SCN11A: variants seen among roughly 807,000 people sequenced by gnomAD.
The protein encoded by SCN11A is sodium channel protein type 11 subunit alpha.
SCN11A carries 122 observed loss-of-function variants against 162.2 expected under a neutral mutation model. That is an observed-to-expected ratio of 0.75 (90% CI 0.65 to 0.87). The LOEUF (loss-of-function observed/expected upper bound fraction) is 0.87. Among genes scored for constraint, SCN11A ranks in the 40% least tolerant of loss-of-function variants. The pLI is 0.00. For missense variants in SCN11A, 2,015 were observed against 2,181.6 expected (o/e 0.92, Z 1.52); for synonymous variants, 758 against 751.5 (o/e 1.01, Z -0.14).
chr3:38,879,887 C>A, intron 23 of SCN11A, 63 bp downstream of exon 23: 1 of 1,353,486 alleles, frequency 7.4e-7, no homozygotes, highest in East Asian at 2.3e-5. Context: ...AAAGCAGCCT[C>A]CATATGATCC....
chr3:38,928,079 G>A (rs2066172428), intron 7 of SCN11A, among the ~76,000 whole-genome samples: 1 of 152,150 alleles, frequency 6.6e-6, no homozygotes, highest in South Asian at 2.1e-4. Flanking sequence ...TCAACAAATG[G>A]TAAAGGGAAA....
chr3:38,883,441 A>C, intron 21 of SCN11A, 54 bp from the exon 22 acceptor site: 1 of 1,531,514 alleles, frequency 6.5e-7, no homozygotes, highest in Non-Finnish European at 8.9e-7. Flanking sequence ...AACTGCATTA[A>C]AATGCAACTC....
rs58867103 is a variant in SCN11A, at chr3:38,931,009, G to A, written c.489-4078C>T. On this transcript the variant is annotated intron_variant, in intron 7 of 29. Coordinates refer to ENST00000302328, the MANE Select transcript of SCN11A (RefSeq NM_001349253.2). ...CCACAAGGGCTAGGCAGAGCAAACCGCAGCTGTGGAAACAATGCACTCTCC... is the reference window on the plus strand; with the variant it reads ...CCACAAGGGCTAGGCAGAGCAAACCACAGCTGTGGAAACAATGCACTCTCC... 3.5e-3 allele frequency among the ~76,000 whole-genome samples: 532 copies of A among 152,280 alleles called. 1 individual carries two copies. The highest frequency in any genetic ancestry group is 0.012 in the African/African-American group (507 of 41,548).
At chr3:38,928,764 T>C (rs1241984659) in intron 7 of SCN11A, among the ~76,000 whole-genome samples, 1 of 152,154 alleles carries the variant, frequency 6.6e-6, no homozygotes, top group African/African-American at 2.4e-5. Flanking sequence ...ATGGCTACTA[T>C]TTTTTAAAAA....
chr3:38,971,087 C>G (rs1195947580), intron 2 of SCN11A, among the ~76,000 whole-genome samples: 1 of 152,074 alleles, frequency 6.6e-6, no homozygotes, highest in African/African-American at 2.4e-5. Flanking sequence ...GATGTGTGTC[C>G]CTGAGAGCTC....
At chr3:38,878,691 TC>T (rs1231546443) in intron 23 of SCN11A, among the ~76,000 whole-genome samples, 1 of 152,120 alleles carries the variant, frequency 6.6e-6, no homozygotes, top group East Asian at 1.9e-4. Flanking sequence ...ACAATGAGCT[TC>T]TGTTTCCTTG....
chr3:38,860,485 A>T lies in SCN11A; in HGVS notation c.4056+2710T>A, dbSNP rs184457500. On this transcript the variant is annotated intron_variant, in intron 28 of 29. Transcript: ENST00000302328. ...ATTCCTGATGACTATAGGTGCAAAAATACTCAAAAAATACTAGCTAACTAA... is the reference window on the plus strand; with the variant it reads ...ATTCCTGATGACTATAGGTGCAAAATTACTCAAAAAATACTAGCTAACTAA... Among the ~76,000 whole-genome samples the T allele has an allele frequency of 1.2e-4, 18 of 152,328 alleles. No individual in the cohort carries two copies. In the East Asian group the frequency reaches 3.3e-3, roughly 28 times the overall value.
chr3:38,857,108 C>T (rs1428082914), intron 28 of SCN11A, among the ~76,000 whole-genome samples: 1 of 152,088 alleles, frequency 6.6e-6, no homozygotes, highest in African/African-American at 2.4e-5. Flanking sequence ...TATAACACCT[C>T]CAAAAGATCA....
intron 2 of SCN11A, among the ~76,000 whole-genome samples, chr3:39,008,914 T>A (rs889496826): frequency 7.2e-5 from 11 of 152,124 alleles, no homozygotes; most frequent in African/African-American, 2.2e-4. Flanking sequence ...TATATATATT[T>A]GGACCAGTAA....
chr3:39,046,858 CTA>C (rs1275394171), intron 1 of SCN11A, among the ~76,000 whole-genome samples: 1 of 152,134 alleles, frequency 6.6e-6, no homozygotes, highest in African/African-American at 2.4e-5. Context: ...GTAGCTAGGA[CTA>C]CAGGCATGCA....
In SCN11A at chr3:39,017,261, G is replaced by C. The variant is rs1386367855; in HGVS notation, c.-280+15119C>G. On this transcript the variant is annotated intron_variant, in intron 2 of 29. Transcript: ENST00000302328. ...CAGACATCAAGTCTGCCTGCATCTT[G>C]CTCTTGGACTTTTCAGTCTCCAGAA... 2.0e-5 allele frequency among the ~76,000 whole-genome samples: 3 copies of C among 152,284 alleles called. No individual in the cohort carries two copies. In the East Asian group the frequency reaches 5.8e-4, roughly 29 times the overall value.
chr3:39,036,473 A>G (rs546616034), intron 1 of SCN11A, among the ~76,000 whole-genome samples: 1 of 152,340 alleles, frequency 6.6e-6, no homozygotes, highest in South Asian at 2.1e-4. Flanking sequence ...ATATCCCAAA[A>G]GCACAGACAA....
intron 23 of SCN11A, among the ~76,000 whole-genome samples, chr3:38,872,823 GA>G (rs1213516307): frequency 1.3e-5 from 2 of 151,918 alleles, no homozygotes; most frequent in African/African-American, 4.8e-5. Context: ...AAAAAAGAGA[GA>G]AAAAAATGAC....
chr3:38,918,422 A>G (rs76445683), intron 11 of SCN11A, among the ~76,000 whole-genome samples: 16 of 152,316 alleles, frequency 1.1e-4, no homozygotes, highest in African/African-American at 3.8e-4. Flanking sequence ...AGATTTTCAT[A>G]AGAGTGTGAA....
At chr3:38,862,251 T>G (rs1053865770) in intron 28 of SCN11A, among the ~76,000 whole-genome samples, 2 of 152,166 alleles carry the variant, frequency 1.3e-5, no homozygotes, top group African/African-American at 4.8e-5. Flanking sequence ...GATGTTGGCA[T>G]GGATGTGGTG....
At chr3:38,889,581 C>T (rs1046601974) in intron 19 of SCN11A, among the ~76,000 whole-genome samples, 14 of 151,704 alleles carry the variant, frequency 9.2e-5, no homozygotes, top group South Asian at 2.1e-4. Context: ...GAGCAGATCA[C>T]GAGGTCAGGA....
intron 28 of SCN11A, among the ~76,000 whole-genome samples, chr3:38,851,648 T>C (rs1308180345): frequency 6.6e-6 from 1 of 152,248 alleles, no homozygotes; most frequent in African/African-American, 2.4e-5. Context: ...GACTATACGT[T>C]GGTTGCTTTA....
At chr3:38,857,283 T>C (rs1007435934) in intron 28 of SCN11A, among the ~76,000 whole-genome samples, 1 of 151,990 alleles carries the variant, frequency 6.6e-6, no homozygotes, top group Non-Finnish European at 1.5e-5. Context: ...AAGAAAATTT[T>C]CCAGAGAAAT....
intron 2 of SCN11A, among the ~76,000 whole-genome samples, chr3:38,987,755 C>G (rs1016889338): frequency 3.3e-5 from 5 of 152,200 alleles, no homozygotes; most frequent in African/African-American, 1.2e-4. Context: ...CGGGGCTGCT[C>G]TCTCAGGGAG....
Sources: allele counts gnomAD v4.1 joint callset (sites outside exome capture counted in the v4.1 genomes callset), GRCh38; gene constraint gnomAD v4.1.1; transcripts MANE v1.5; gene names NCBI Gene and HGNC (gene_info 2026-07-23, HGNC 2026-07-21).